The following CCDC88C variants were observed in gnomAD, a reference collection of about 807,000 sequenced individuals.
CCDC88C encodes the protein protein Daple.
CCDC88C carries 131 observed loss-of-function variants against 198.8 expected under a neutral mutation model. The observed-to-expected ratio is 0.66, with a 90% confidence interval of 0.57 to 0.76. The LOEUF (loss-of-function observed/expected upper bound fraction) is 0.76, where lower values mean the gene tolerates loss of function less well. CCDC88C is among the 30% of genes least tolerant of loss of function. The pLI, the probability that CCDC88C is intolerant of heterozygous loss-of-function variation, is 0.00. For synonymous variants in CCDC88C, 1,166 were observed against 1,114.7 expected (o/e 1.05, Z -0.92); for missense variants, 2,553 against 2,631.6 (o/e 0.97, Z 0.65).
chr14:91,324,208 G>A (rs1204989744), intron 12 of CCDC88C, among the ~76,000 whole-genome samples: 4 of 152,228 alleles, frequency 2.6e-5, no homozygotes, highest in South Asian at 2.1e-4. Context: ...ACCTCCTCTC[G>A]GGGCGCGGGG....
At chr14:91,412,813 T>C (rs898936673) in intron 2 of CCDC88C, among the ~76,000 whole-genome samples, 11 of 152,218 alleles carry the variant, frequency 7.2e-5, no homozygotes, top group African/African-American at 2.7e-4. Context: ...CTTAAGTTCA[T>C]AGGTAAAAAT....
chr14:91,324,733 C>A, intron 12 of CCDC88C, 46 bp downstream of exon 12: 4 of 1,599,046 alleles, frequency 2.5e-6, no homozygotes, highest in Non-Finnish European at 3.4e-6. Context: ...CTGGAGGCAG[C>A]GGCGGCCACG....
intron 3 of CCDC88C, among the ~76,000 whole-genome samples, chr14:91,400,632 C>T (rs767169863): frequency 3.9e-4 from 60 of 152,218 alleles, no homozygotes; most frequent in Non-Finnish European, 7.6e-4. Flanking sequence ...CCAACAAAAA[C>T]GAAGTCCACC....
In CCDC88C at chr14:91,283,444, A is replaced by G. The variant is rs1890283053; in HGVS notation, c.4515T>C (p.Asp1505=). Residue 1505 remains aspartate (D), a synonymous_variant, in exon 26 of 30, where the codon GAT becomes GAC. Coordinates refer to ENST00000389857, the MANE Select transcript of CCDC88C (RefSeq NM_001080414.4). Reference sequence around the variant, plus strand: ...CCGAGGGCCAGGACCTCATGGCCAGATCGGTGGAGGCATCTGTGCGGTCAA... The same window carrying G: ...CCGAGGGCCAGGACCTCATGGCCAGGTCGGTGGAGGCATCTGTGCGGTCAA... The part of the protein sequence containing the change: ...GSLDRTDAST[D]LAMRSWPSEL... 6.2e-7 allele frequency: 1 copy of G among 1,613,422 alleles called. No individual in the cohort carries two copies. Among genetic ancestry groups the G allele is most frequent in the Non-Finnish European group, 8.5e-7 (1 of 1,179,714 alleles).
At chr14:91,375,494 G>C (rs748367) in intron 3 of CCDC88C, among the ~76,000 whole-genome samples, 2,657 of 152,284 alleles carry the variant, frequency 0.017, 62 homozygotes, top group African/African-American at 0.048. Context: ...TGGGGAAGAG[G>C]GGGGTGGGCA....
intron 3 of CCDC88C, among the ~76,000 whole-genome samples, chr14:91,370,133 C>G (rs1894724420): frequency 6.6e-6 from 1 of 152,230 alleles, no homozygotes; most frequent in African/African-American, 2.4e-5. Flanking sequence ...GCCGCTAACT[C>G]CTGCCTCTGC....
Position 91,339,168 on chromosome 14 carries a change from GGGCACACGTCAGAGCT to G in CCDC88C, c.809+94_809+109del. The G allele has an allele frequency of 7.5e-7, 1 of 1,329,744 alleles. No homozygotes were observed. The highest frequency in any genetic ancestry group is 2.5e-5 in the East Asian group (1 of 40,440). 82.4% of individuals were successfully genotyped at this position (1,329,744 alleles called of 1,614,324 possible). On this transcript the variant is annotated intron_variant, in intron 8 of 29. Transcript: ENST00000389857. This position sits in a 1 kb window ranked among gnomAD's most constrained non-coding sequence, Gnocchi z 5.8. ...TCAGGGCAGACCCCAGCTGACTCCG[GGGCACACGTCAGAGCT>G]GTGCCATTGGCAGCACCACACATGT...
chr14:91,408,935 A>G (rs959073653), intron 2 of CCDC88C, among the ~76,000 whole-genome samples, 168 bp from the exon 3 acceptor site: 8 of 152,048 alleles, frequency 5.3e-5, no homozygotes, highest in African/African-American at 1.9e-4. Context: ...CTAAGCCAGG[A>G]CCTCAGGTGG....
At chr14:91,308,856 A>C (rs1340010449) in intron 16 of CCDC88C, among the ~76,000 whole-genome samples, 1 of 152,220 alleles carries the variant, frequency 6.6e-6, no homozygotes, top group Admixed American at 6.5e-5. Context: ...TTTCCACCAG[A>C]GAGGACTCCT....
At chr14:91,324,638 C>T in intron 12 of CCDC88C, 141 bp downstream of exon 12, 1 of 1,086,396 alleles carries the variant, frequency 9.2e-7, no homozygotes, top group South Asian at 1.5e-5. Flanking sequence ...TGAAACAGTT[C>T]CAAGTGGAGC....
chr14:91,367,999 G>A (rs937811393), intron 3 of CCDC88C, among the ~76,000 whole-genome samples: 8 of 152,110 alleles, frequency 5.3e-5, no homozygotes, highest in African/African-American at 1.9e-4. Flanking sequence ...CCCTTCTGCG[G>A]CACTTTCTAC....
chr14:91,407,408 C>CT (rs775283135), intron 3 of CCDC88C, among the ~76,000 whole-genome samples: 1 of 152,190 alleles, frequency 6.6e-6, no homozygotes, highest in Non-Finnish European at 1.5e-5. Context: ...AGAACCAAGA[C>CT]TAAGTTACAG....
rs767815559 is a variant in CCDC88C at position 91,272,925 on chromosome 14, G to C, written c.5787C>G (p.Phe1929Leu). The C allele has an allele frequency of 6.4e-6, 10 of 1,570,912 alleles. No homozygotes were observed. In the South Asian group the frequency reaches 9.2e-5, roughly 14 times the overall value. Reference protein sequence around the residue: ...GSGSNSQLLHFSPAAAPAART... With the variant: ...GSGSNSQLLHLSPAAAPAART... Reference sequence around the variant, plus strand: ...TGGCAGCCGGGGCTGCAGCAGGTGAGAAGTGCAGGAGCTGGGAGTTGCTGC... The same window carrying C: ...TGGCAGCCGGGGCTGCAGCAGGTGACAAGTGCAGGAGCTGGGAGTTGCTGC... Residue 1929 changes from phenylalanine to leucine, a missense_variant, in exon 30 of 30, where the codon TTC (phenylalanine) becomes TTG (leucine). By Grantham distance (22) the Phe-to-Leu change is conservative. Transcript: ENST00000389857.
At chr14:91,341,161 T>C (rs530045951) in intron 6 of CCDC88C, among the ~76,000 whole-genome samples, 4 of 152,264 alleles carry the variant, frequency 2.6e-5, no homozygotes, top group Middle Eastern at 3.4e-3. Flanking sequence ...ATCTGAGAAT[T>C]AGGAGAAATC....
intron 15 of CCDC88C, among the ~76,000 whole-genome samples, chr14:91,312,820 G>A (rs775662370): frequency 6.6e-6 from 1 of 152,224 alleles, no homozygotes. Context: ...GTGTAAGTAT[G>A]ACATCAAGCA....
chr14:91,330,253 C>T (rs1451401166), intron 10 of CCDC88C, among the ~76,000 whole-genome samples: 1 of 152,232 alleles, frequency 6.6e-6, no homozygotes, highest in African/African-American at 2.4e-5. Flanking sequence ...ACGCAGCCCG[C>T]ACAGTTCAGC....
At chr14:91,403,790 C>T (rs937956492) in intron 3 of CCDC88C, among the ~76,000 whole-genome samples, 11 of 152,122 alleles carry the variant, frequency 7.2e-5, no homozygotes, top group Non-Finnish European at 1.5e-4. Context: ...AGTAGCCAGG[C>T]GTGGTGGTGC....
chr14:91,299,468 T>TCAAGTGACTCC (rs1891174866), intron 21 of CCDC88C, among the ~76,000 whole-genome samples: 1 of 152,196 alleles, frequency 6.6e-6, no homozygotes, highest in Non-Finnish European at 1.5e-5. Flanking sequence ...AAGGTGCGCA[T>TCAAGTGACTCC]CCAGTGACTC....
At chr14:91,406,952 C>T (rs1311287779) in intron 3 of CCDC88C, among the ~76,000 whole-genome samples, 4 of 152,208 alleles carry the variant, frequency 2.6e-5, no homozygotes, top group Admixed American at 2.6e-4. Flanking sequence ...ACATCTGGAA[C>T]TAAAGGGATG....
Sources: gnomAD v4.1 joint callset for allele counts (sites outside exome capture counted in the v4.1 genomes callset) on GRCh38, gnomAD v4.1.1 for gene constraint, Gnocchi (gnomAD v3.1) non-coding constraint, MANE v1.5 for transcripts, NCBI Gene and HGNC (gene_info 2026-07-23, HGNC 2026-07-21) for gene names.